The following TNR variants were observed in gnomAD, a reference collection of about 807,000 sequenced individuals.
TNR encodes tenascin R.
In TNR, 45 loss-of-function variants were observed where a neutral mutation model predicts 150.4. That is an observed-to-expected ratio of 0.30 (90% CI 0.24 to 0.38). TNR has a LOEUF of 0.38. TNR is among the 10% of genes least tolerant of loss of function. The pLI is 1.00. For missense variants in TNR, 1,544 were observed against 1,759.1 expected (o/e 0.88, Z 2.19); for synonymous variants, 687 against 678.4 (o/e 1.01, Z -0.20).
Position 175,396,757 on chromosome 1 carries a change from C to T in TNR, c.1027G>A (p.Glu343Lys). The stretch of plus-strand genomic sequence containing the variant: ...GCCATCGGCCCGTCCCATTCCAGCT[C>T]AATGGACCTGTCGCTGATACCAGCC... ...RVAGISDRSIELEWDGPMAVT... is the reference protein window; with the variant it reads ...RVAGISDRSIKLEWDGPMAVT... The change falls in exon 5 of 23, where the codon GAG (glutamate) becomes AAG (lysine). Residue 343 changes from glutamate to lysine, a missense_variant. Coordinates refer to ENST00000367674, the MANE Select transcript of TNR (RefSeq NM_003285.3). 6.2e-7 allele frequency: 1 copy of T among 1,614,136 alleles called. No homozygotes were observed.
intron 2 of TNR, among the ~76,000 whole-genome samples, chr1:175,449,429 C>T (rs1224390172): frequency 6.6e-6 from 1 of 152,206 alleles, no homozygotes; most frequent in African/African-American, 2.4e-5. Flanking sequence ...CATCATTCCT[C>T]TCCCTTTCCT....
chr1:175,610,722 G>A (rs1355197869), intron 1 of TNR, among the ~76,000 whole-genome samples: 1 of 152,182 alleles, frequency 6.6e-6, no homozygotes, highest in Non-Finnish European at 1.5e-5. Flanking sequence ...TATTGCAATA[G>A]CTCCTTTTAT....
At chr1:175,571,730 G>A (rs529973025) in intron 1 of TNR, among the ~76,000 whole-genome samples, 1 of 152,158 alleles carries the variant, frequency 6.6e-6, no homozygotes, top group Non-Finnish European at 1.5e-5. Context: ...CTACCTGCAT[G>A]TTTTACTCCA....
chr1:175,690,184 A>G (rs919936068), intron 1 of TNR, among the ~76,000 whole-genome samples: 4 of 152,196 alleles, frequency 2.6e-5, no homozygotes, highest in African/African-American at 9.7e-5. Context: ...GATCTTTATA[A>G]CTCAATAAAC....
rs1667989627 is a variant in TNR at position 175,743,569 on chromosome 1, AGCACAGTCGGTTCCTGCCTCT to A, written c.-529_-509del. 1 of 151,978 alleles carries A rather than the reference AGCACAGTCGGTTCCTGCCTCT, an allele frequency of 6.6e-6. No individual in the cohort carries two copies. The highest frequency in any genetic ancestry group is 6.6e-5 in the Admixed American group (1 of 15,254). 9.4% of individuals were successfully genotyped at this position (151,978 alleles called of 1,614,324 possible). On this transcript the variant is annotated 5_prime_UTR_variant, in exon 1 of 23. Transcript: ENST00000367674. ...CTCTGGGTGTTGAGCCAACAGCCTT[AGCACAGTCGGTTCCTGCCTCT>A]GACGTGAAAGAGAGGAGGAAGCCTG...
chr1:175,331,232 CCCCTCCTT>C (rs1190913909), intron 20 of TNR, among the ~76,000 whole-genome samples: 3 of 113,852 alleles, frequency 2.6e-5, no homozygotes, highest in Non-Finnish European at 5.1e-5. Context: ...TTTCCTGCCT[CCCCTCCTT>C]CCCTCCCTCC....
At position 175,396,607 on chromosome 1, in the gene TNR, T is replaced by C; in HGVS notation, c.1177A>G (p.Ile393Val). ...TTGCTAATGACAGCGTAGACGCTGA[T>C]GTTGTAGGTGAGACCTGGCTCCAGC... ...TELEPGLTYN[I>V]SVYAVISNIL... Residue 393 changes from isoleucine to valine, a missense_variant, in exon 5 of 23, where the codon ATC becomes GTC. Ile to Val is a conservative substitution (Grantham distance 29). Around this residue, in one of 2 missense-constraint regions of TNR, gnomAD observed 1,254 missense variants for 1,329.4 expected, o/e 0.94. Transcript: ENST00000367674. 1 of 1,614,178 alleles carries C rather than the reference T, an allele frequency of 6.2e-7. No individual in the cohort carries two copies.
chr1:175,653,890 T>A (rs979860763), intron 1 of TNR, among the ~76,000 whole-genome samples: 1 of 152,222 alleles, frequency 6.6e-6, no homozygotes, highest in African/African-American at 2.4e-5. Flanking sequence ...TGTTTTATAA[T>A]TATATACTAT....
intron 2 of TNR, among the ~76,000 whole-genome samples, chr1:175,469,965 A>G (rs1657211397): frequency 6.6e-6 from 1 of 152,114 alleles, no homozygotes; most frequent in African/African-American, 2.4e-5. Context: ...GACCCTTTAG[A>G]GGGAAAACAT....
At chr1:175,700,175 C>G (rs1472912293) in intron 1 of TNR, among the ~76,000 whole-genome samples, 1 of 151,304 alleles carries the variant, frequency 6.6e-6, no homozygotes, top group Admixed American at 6.6e-5. Context: ...GTCAGTGAGT[C>G]CTCTAGCTTA....
chr1:175,373,500 C>T (rs1652200019), intron 9 of TNR, among the ~76,000 whole-genome samples: 1 of 152,184 alleles, frequency 6.6e-6, no homozygotes, highest in African/African-American at 2.4e-5. Context: ...TCGAGGCCAT[C>T]TCCCTGCTTT....
chr1:175,375,640 G>A (rs1251977192), intron 9 of TNR, among the ~76,000 whole-genome samples: 1 of 152,102 alleles, frequency 6.6e-6, no homozygotes, highest in Non-Finnish European at 1.5e-5. Flanking sequence ...CAACAAAGAG[G>A]AAAATGGTGG....
In TNR at chr1:175,406,377, G is replaced by A. The variant is rs140600179; in HGVS notation, c.338C>T (p.Thr113Ile). 2.0e-4 allele frequency: 327 copies of A among 1,614,170 alleles called. 2 individuals are homozygous for A. In the African/African-American group the frequency reaches 3.8e-3, roughly 19 times the overall value. The change falls in exon 3 of 23, where the codon ACC becomes ATC. Residue 113 changes from threonine (T) to isoleucine (I), a missense_variant. Around this residue, in one of 2 missense-constraint regions of TNR, gnomAD observed 1,254 missense variants for 1,329.4 expected, o/e 0.94. Coordinates refer to ENST00000367674, the MANE Select transcript of TNR (RefSeq NM_003285.3). ...GQTSDHESQV[T>I]FTHRINFPKK... The stretch of plus-strand genomic sequence containing the variant: ...GGGGAAGTTGATCCTGTGTGTAAAG[G>A]TGACCTGGCTCTCGTGGTCTGAGGT...
chr1:175,580,523 G>A (rs1662313630), intron 1 of TNR, among the ~76,000 whole-genome samples: 1 of 152,170 alleles, frequency 6.6e-6, no homozygotes, highest in African/African-American at 2.4e-5. Flanking sequence ...TAGTTAACGA[G>A]CCACACAAGA....
At chr1:175,331,067 T>TC (rs1557867916) in intron 20 of TNR, among the ~76,000 whole-genome samples, 14 of 128,830 alleles carry the variant, frequency 1.1e-4, no homozygotes, top group South Asian at 7.1e-4. Flanking sequence ...CTTTCTTTCT[T>TC]TCTTTCTTTC....
chr1:175,487,439 C>T lies in TNR; in HGVS notation c.-64+40830G>A, dbSNP rs531170620. Among the ~76,000 whole-genome samples the T allele has an allele frequency of 5.3e-5, 8 of 152,276 alleles. No homozygotes were observed. The South Asian group carries it at 1.0e-3, about 20-fold the overall frequency. On this transcript the variant is annotated intron_variant, in intron 2 of 22. Transcript: ENST00000367674. The stretch of plus-strand genomic sequence containing the variant: ...AGGCATACTCATTTGATGATCTTCC[C>T]GACATCCTTTGATTTTGGACACTGC...
At chr1:175,491,232 G>A (rs1015703447) in intron 2 of TNR, among the ~76,000 whole-genome samples, 5 of 152,114 alleles carry the variant, frequency 3.3e-5, no homozygotes, top group African/African-American at 1.2e-4. Flanking sequence ...GGAGCTTGGG[G>A]GAGGGAGATC....
At chr1:175,655,943 C>G (rs969791543) in intron 1 of TNR, among the ~76,000 whole-genome samples, 1 of 152,124 alleles carries the variant, frequency 6.6e-6, no homozygotes, top group Admixed American at 6.6e-5. Flanking sequence ...TAGGGTTACA[C>G]AAGTTGTGCT....
At position 175,424,197 on chromosome 1, in the gene TNR, C is replaced by A. The variant is rs569001289; in HGVS notation, c.-63-17420G>T. ...ACCAACAAGTCCTTGGTCTTGCTATCTCCGGGGAAGCACTGCCCAATGACT... is the reference window on the plus strand; with the variant it reads ...ACCAACAAGTCCTTGGTCTTGCTATATCCGGGGAAGCACTGCCCAATGACT... On this transcript the variant is annotated intron_variant, in intron 2 of 22. Coordinates refer to ENST00000367674, the MANE Select transcript of TNR (RefSeq NM_003285.3). Among the ~76,000 whole-genome samples the A allele has an allele frequency of 2.0e-5, 3 of 152,326 alleles. No individual in the cohort carries two copies. In the East Asian group the frequency reaches 5.8e-4, roughly 29 times the overall value.
Sources: gnomAD v4.1 joint callset for allele counts (sites outside exome capture counted in the v4.1 genomes callset) on GRCh38, gnomAD v4.1.1 for gene constraint, gnomAD v4.1.1 regional missense constraint, MANE v1.5 for transcripts, NCBI Gene and HGNC (gene_info 2026-07-23, HGNC 2026-07-21) for gene names.